CYP4F22: variants seen among roughly 807,000 people sequenced by gnomAD.
The protein encoded by CYP4F22 is cytochrome P450 family 4 subfamily F member 22, also known as ultra-long-chain fatty acid omega-hydroxylase.
Under a neutral mutation model 60.4 loss-of-function variants are expected in CYP4F22, and 37 were observed. That is an observed-to-expected ratio of 0.61 (90% CI 0.47 to 0.81). The LOEUF is 0.81. CYP4F22 is among the 30% of genes least tolerant of loss of function. The pLI, the probability that CYP4F22 is intolerant of heterozygous loss-of-function variation, is 0.00. For synonymous variants in CYP4F22, 258 were observed against 280.5 expected (o/e 0.92, Z 0.80); for missense variants, 655 against 715.0 (o/e 0.92, Z 0.96).
chr19:15,509,292 T>TG (rs955728790), intron 1 of CYP4F22, among the ~76,000 whole-genome samples: 1 of 152,132 alleles, frequency 6.6e-6, no homozygotes, highest in African/African-American at 2.4e-5. Context: ...GCTGGCCACC[T>TG]GGGGAGTCGC....
intron 3 of CYP4F22, among the ~76,000 whole-genome samples, chr19:15,527,917 C>T (rs1025610526): frequency 3.2e-4 from 48 of 152,110 alleles, no homozygotes; most frequent in African/African-American, 9.2e-4. Context: ...GTCACACAGC[C>T]GCTGAGGGTG....
At chr19:15,519,207 C>T (rs1421291336) in intron 1 of CYP4F22, among the ~76,000 whole-genome samples, 2 of 151,808 alleles carry the variant, frequency 1.3e-5, no homozygotes, top group African/African-American at 4.8e-5. Flanking sequence ...TCTTAGAAGC[C>T]CCAACATTTA....
At chr19:15,550,318 C>CA (rs1013058678) in intron 12 of CYP4F22, among the ~76,000 whole-genome samples, 2 of 151,372 alleles carry the variant, frequency 1.3e-5, no homozygotes, top group African/African-American at 4.9e-5. Flanking sequence ...GACAGACAAA[C>CA]AAACAAAAAA....
intron 6 of CYP4F22, 101 bp from the exon 7 acceptor site, chr19:15,537,771 A>G: frequency 1.2e-6 from 2 of 1,608,552 alleles, no homozygotes; most frequent in Non-Finnish European, 1.7e-6. Context: ...CACTGACTTT[A>G]TCTATAAAAT....
At position 15,549,226 on chromosome 19, in the gene CYP4F22, C is replaced by T. The variant is rs750223278; in HGVS notation, c.1335+24C>T. ...AGGTGAGTGCCTGCCCCACTCCTCC[C>T]TGCCCTCAGGTCCTCCCCTCCCCTG... On this transcript the variant is annotated intron_variant, in intron 12 of 13. Transcript: ENST00000269703. 12 of 1,613,728 alleles carry T rather than the reference C, an allele frequency of 7.4e-6. No individual in the cohort carries two copies. In the Admixed American group the frequency reaches 2.0e-4, roughly 27 times the overall value.
In CYP4F22 at chr19:15,547,018, G is replaced by GTTTTTTTTTTTTTTTTT. The variant is rs71176432; in HGVS notation, c.1137-1084_1137-1068dup. Among the ~76,000 whole-genome samples the GTTTTTTTTTTTTTTTTT allele has an allele frequency of 8.9e-4, 73 of 82,306 alleles. 12 individuals are homozygous for GTTTTTTTTTTTTTTTTT. The highest frequency in any genetic ancestry group is 4.3e-3 in the East Asian group (8 of 1,874). 54.0% of individuals were successfully genotyped at this position (82,306 alleles called of 152,430 possible). On this transcript the variant is annotated intron_variant, in intron 10 of 13. Coordinates refer to ENST00000269703, the MANE Select transcript of CYP4F22 (RefSeq NM_173483.4). ...GAGCCACCATGCCTGGCCTGCACCA[G>GTTTTTTTTTTTTTTTTT]TTTTTTTTTTTTTTTTTTTTTTAAG...
intron 10 of CYP4F22, 152 bp downstream of exon 10, chr19:15,544,431 T>C: frequency 3.4e-6 from 3 of 884,144 alleles, no homozygotes; most frequent in Non-Finnish European, 3.6e-6. Context: ...TGGGGGTGGT[T>C]ATAGTGCCTA....
rs868549151 is a variant in CYP4F22 at position 15,537,923 on chromosome 19, G to A, written c.601G>A (p.Glu201Lys). The change falls in exon 7 of 14, where the codon GAG (glutamate) becomes AAG (lysine). Residue 201 changes from glutamate to lysine, a missense_variant. Physicochemically the swap from Glu to Lys is moderately conservative, Grantham distance 56 (BLOSUM62 1). Transcript: ENST00000269703. ...CTCAGCGGTCTCCCTTGATATGTTT[G>A]AGCATATCAGCCTCATGACCCTGGA... Reference protein sequence around the residue: ...EGSAVSLDMFEHISLMTLDSL... With the variant: ...EGSAVSLDMFKHISLMTLDSL... The A allele has an allele frequency of 1.9e-6, 3 of 1,614,174 alleles. No individual in the cohort carries two copies. The Admixed American group carries it at 5.0e-5, about 27-fold the overall frequency.
intron 1 of CYP4F22, among the ~76,000 whole-genome samples, chr19:15,514,001 G>A (rs1170010365): frequency 2.6e-5 from 4 of 152,194 alleles, no homozygotes; most frequent in Non-Finnish European, 5.9e-5. Context: ...CTCAAGAGCC[G>A]TATGTATAGA....
At chr19:15,511,186 G>T (rs994542810) in intron 1 of CYP4F22, among the ~76,000 whole-genome samples, 1 of 151,048 alleles carries the variant, frequency 6.6e-6, no homozygotes, top group Non-Finnish European at 1.5e-5. Flanking sequence ...GGCTGGTCTC[G>T]AACTCCCGAC....
At chr19:15,541,926 T>C (rs1397510752) in intron 8 of CYP4F22, among the ~76,000 whole-genome samples, 1 of 152,030 alleles carries the variant, frequency 6.6e-6, no homozygotes, top group Admixed American at 6.6e-5. Context: ...GAGACACTTC[T>C]ATGGTCACTC....
At chr19:15,521,970 C>T (rs1971231289) in intron 1 of CYP4F22, among the ~76,000 whole-genome samples, 1 of 151,978 alleles carries the variant, frequency 6.6e-6, no homozygotes, top group African/African-American at 2.4e-5. Flanking sequence ...CATGGTGAAA[C>T]TCTGTCTCTG....
chr19:15,513,262 G>T (rs1275816880), intron 1 of CYP4F22, among the ~76,000 whole-genome samples: 2 of 151,392 alleles, frequency 1.3e-5, no homozygotes, highest in Admixed American at 1.3e-4. Flanking sequence ...TGCAACCTCT[G>T]CCTCCCGAGT....
rs1716883 is a variant in CYP4F22 at position 15,545,667 on chromosome 19, A to G, written c.1136+1388A>G. 1.9e-3 allele frequency among the ~76,000 whole-genome samples: 94 copies of G among 50,386 alleles called. 1 individual carries two copies. The highest frequency in any genetic ancestry group is 9.8e-3 in the African/African-American group (87 of 8,852). The allele number at this position is 50,386 out of a possible 152,430, so 33.1% of individuals were successfully genotyped here. A position where few individuals can be genotyped will look rare whatever the true frequency, so the allele number is the denominator to read the frequency against. On this transcript the variant is annotated intron_variant, in intron 10 of 13. Coordinates refer to ENST00000269703, the MANE Select transcript of CYP4F22 (RefSeq NM_173483.4). ...CTGTCTCAAAAAAAAAAAAAAAAAA[A>G]AAAAGAAAAGAAAAGAAAAGAAAAG... is the stretch of plus-strand genomic sequence containing the variant.
rs572044397 is a variant in CYP4F22, at chr19:15,527,327, T to C, written c.222+1769T>C. On this transcript the variant is annotated intron_variant, in intron 3 of 13. Transcript: ENST00000269703. ...AAGGCCCTTTTGGCTCCAACCTCCA[T>C]CCTCCTCACTTGTTCCACCATCCCT... Among the ~76,000 whole-genome samples, 15 of 152,206 alleles carry C rather than the reference T, an allele frequency of 9.9e-5. No individual in the cohort carries two copies. In the South Asian group the frequency reaches 2.7e-3, roughly 27 times the overall value.
intron 1 of CYP4F22, among the ~76,000 whole-genome samples, chr19:15,511,798 CCTT>C (rs1971095517): frequency 6.6e-6 from 1 of 152,218 alleles, no homozygotes; most frequent in African/African-American, 2.4e-5. Context: ...GCCCTCCACT[CCTT>C]CTTGGGAGCC....
chr19:15,550,327 A>G lies in CYP4F22; in HGVS notation c.1336-347A>G, dbSNP rs191186454. ...AACAAAGACAGACAAACAAACAAAA[A>G]AAAAGAAAAACAGGTGGAGGGGGCA... On this transcript the variant is annotated intron_variant, in intron 12 of 13. Transcript: ENST00000269703. Among the ~76,000 whole-genome samples the G allele has an allele frequency of 9.2e-5, 14 of 152,322 alleles. No homozygotes were observed. The East Asian group carries it at 2.1e-3, about 23-fold the overall frequency.
intron 1 of CYP4F22, among the ~76,000 whole-genome samples, chr19:15,522,625 G>A (rs4809198): frequency 0.54 from 82,749 of 151,968 alleles, 24,168 homozygotes; most frequent in Non-Finnish European, 0.66. Context: ...GCATTGAGCC[G>A]TGATAGTACT....
intron 4 of CYP4F22, among the ~76,000 whole-genome samples, chr19:15,534,412 T>C (rs1301432871): frequency 1.3e-5 from 2 of 152,140 alleles, no homozygotes; most frequent in Non-Finnish European, 2.9e-5. Context: ...GCTGGCACCA[T>C]GTGGGGGTAT....
Sources: gnomAD v4.1 joint callset for allele counts (sites outside exome capture counted in the v4.1 genomes callset) on GRCh38, gnomAD v4.1.1 for gene constraint, MANE v1.5 for transcripts, NCBI Gene and HGNC (gene_info 2026-07-23, HGNC 2026-07-21) for gene names.